CD44: variants seen among roughly 807,000 people sequenced by gnomAD.
The protein encoded by CD44 is CD44 molecule (IN blood group).
Under a neutral mutation model 88.8 loss-of-function variants are expected in CD44, and 49 were observed. The observed-to-expected ratio is 0.55, with a 90% CI of 0.44 to 0.70. CD44 has a LOEUF of 0.70. Ranked by LOEUF, CD44 falls within the 30% of genes least tolerant of loss-of-function variation. CD44 has a pLI of 0.00. For missense variants in CD44, 883 were observed against 913.8 expected, an observed-to-expected ratio of 0.97 and a Z score of 0.43; for synonymous variants, 325 against 312.3, an observed-to-expected ratio of 1.04 and a Z score of -0.43.
rs1565178842 is a variant in CD44 at position 35,231,563 on chromosome 11, G to T, written c.*2230G>T. The T allele has an allele frequency of 6.6e-6, 1 of 152,114 alleles. No individual in the cohort carries two copies. The highest frequency in any genetic ancestry group is 1.9e-4 in the East Asian group (1 of 5,200). 9.4% of individuals were successfully genotyped at this position (152,114 alleles called of 1,614,324 possible). A position where few individuals can be genotyped will look rare whatever the true frequency, so the allele number is the denominator to read the frequency against. On this transcript the variant is annotated 3_prime_UTR_variant, in exon 18 of 18. Coordinates refer to ENST00000428726, the MANE Select transcript of CD44 (RefSeq NM_000610.4). ...TGGATATACCTCTGTTTTCACGATAGAAATAAGGGAGGTCTAGAGCTTCTA... is the reference window on the plus strand; with the variant it reads ...TGGATATACCTCTGTTTTCACGATATAAATAAGGGAGGTCTAGAGCTTCTA...
At chr11:35,222,315 G>T (rs1433014011) in intron 17 of CD44, 8 of 800,696 alleles carry the variant, frequency 1.0e-5, no homozygotes, top group African/African-American at 1.8e-5. Flanking sequence ...TTGGCCTTGT[G>T]CTTTTGTTTG....
chr11:35,144,213 G>T (rs1269945795), intron 1 of CD44, among the ~76,000 whole-genome samples: 1 of 152,222 alleles, frequency 6.6e-6, no homozygotes, highest in African/African-American at 2.4e-5. Context: ...GGCTGGGGCT[G>T]GGGCTGGGGA....
At chr11:35,161,113 G>A (rs353642) in intron 1 of CD44, among the ~76,000 whole-genome samples, 39,113 of 152,068 alleles carry the variant, frequency 0.26, 5,096 homozygotes, top group African/African-American at 0.29. Flanking sequence ...AGAGTAAGAG[G>A]CACTTTACTT....
chr11:35,169,413 A>AAC lies in CD44; in HGVS notation c.68-7134_68-7133dup, dbSNP rs5791036. 8.5e-3 allele frequency among the ~76,000 whole-genome samples: 1,261 copies of AAC among 149,064 alleles called. 14 individuals carry two copies. Among genetic ancestry groups the AAC allele is most frequent in the African/African-American group, 0.019 (750 of 40,498 alleles). On this transcript the variant is annotated intron_variant, in intron 1 of 17. Transcript: ENST00000428726. ...AAAACCAGAGATGTTGCCCTACCTA[A>AAC]ACACACACACACACACACACACACA...
At chr11:35,157,235 C>T (rs1218244615) in intron 1 of CD44, among the ~76,000 whole-genome samples, 1 of 152,128 alleles carries the variant, frequency 6.6e-6, no homozygotes, top group Non-Finnish European at 1.5e-5. Flanking sequence ...GGGATTGTGA[C>T]TTACCATGGT....
intron 7 of CD44, among the ~76,000 whole-genome samples, chr11:35,199,934 G>GTTTTTTTTTTTTTTTTTTTTTTT (rs60509735): frequency 1.1e-5 from 1 of 90,882 alleles, no homozygotes; most frequent in African/African-American, 4.4e-5. Context: ...CCATGGTGTT[G>GTTTTTTTTTTTTTTTTTTTTTTT]TTTTTTTTTT....
At chr11:35,195,641 TTC>T (rs1158386082) in intron 5 of CD44, among the ~76,000 whole-genome samples, 1 of 152,030 alleles carries the variant, frequency 6.6e-6, no homozygotes, top group African/African-American at 2.4e-5. Flanking sequence ...CTTGAACTTG[TTC>T]TCAGTTTTTT....
At chr11:35,206,669 T>TGGGGGGGGGGGGTGGGAGGG (rs57972216) in intron 11 of CD44, among the ~76,000 whole-genome samples, 1 of 146,084 alleles carries the variant, frequency 6.8e-6, no homozygotes, top group Non-Finnish European at 1.5e-5. Flanking sequence ...TGGGGGTTGG[T>TGGGGGGGGGGGGTGGGAGGG]GGGGGGGGCA....
At chr11:35,154,720 A>G (rs895012017) in intron 1 of CD44, among the ~76,000 whole-genome samples, 2 of 152,050 alleles carry the variant, frequency 1.3e-5, no homozygotes, top group African/African-American at 2.4e-5. Flanking sequence ...TTAAGCTACA[A>G]CCCATCTATG....
intron 15 of CD44, among the ~76,000 whole-genome samples, chr11:35,217,282 T>TA (rs1253076211): frequency 2.0e-5 from 3 of 149,232 alleles, no homozygotes; most frequent in South Asian, 2.1e-4. Flanking sequence ...TTTTTTTTTT[T>TA]AAATCAAAAT....
At position 35,204,565 on chromosome 11, in the gene CD44, T is replaced by C; in HGVS notation, c.1207T>C (p.Trp403Arg). 2 of 1,613,374 alleles carry C rather than the reference T, an allele frequency of 1.2e-6. No individual in the cohort carries two copies. The highest frequency in any genetic ancestry group is 1.7e-6 in the Non-Finnish European group (2 of 1,179,430). The change falls in exon 10 of 18, where the codon TGG becomes CGG. Residue 403 changes from tryptophan to arginine, a missense_variant. Physicochemically the swap from Trp to Arg is moderately radical, Grantham distance 101 (BLOSUM62 -3). Coordinates refer to ENST00000428726, the MANE Select transcript of CD44 (RefSeq NM_000610.4). Reference sequence around the variant, plus strand: ...AGAAACAGCTACCCAGAAGGAACAGTGGTTTGGCAACAGATGGCATGAGGG... The same window carrying C: ...AGAAACAGCTACCCAGAAGGAACAGCGGTTTGGCAACAGATGGCATGAGGG... Reference protein sequence around the residue: ...TEETATQKEQWFGNRWHEGYR... With the variant: ...TEETATQKEQRFGNRWHEGYR...
At chr11:35,217,024 C>A (rs1189415963) in intron 15 of CD44, among the ~76,000 whole-genome samples, 1 of 152,244 alleles carries the variant, frequency 6.6e-6, no homozygotes, top group East Asian at 1.9e-4. Context: ...ATATCAAGTG[C>A]TCCTCTTTGT....
At chr11:35,225,099 A>G (rs955329558) in intron 17 of CD44, among the ~76,000 whole-genome samples, 15 of 123,250 alleles carry the variant, frequency 1.2e-4, no homozygotes, top group African/African-American at 3.7e-4. Context: ...ACTAGCCACA[A>G]CTGAGCACTT....
chr11:35,201,303 A>C, intron 8 of CD44, 108 bp downstream of exon 8: 1 of 796,978 alleles, frequency 1.3e-6, no homozygotes, highest in Non-Finnish European at 2.2e-6. Flanking sequence ...ATATCTGATC[A>C]AGAAATTCTT....
At chr11:35,161,705 C>T (rs1206919049) in intron 1 of CD44, among the ~76,000 whole-genome samples, 1 of 152,202 alleles carries the variant, frequency 6.6e-6, no homozygotes, top group Non-Finnish European at 1.5e-5. Context: ...CCAGGTCATT[C>T]AGTTGTTGTA....
chr11:35,148,946 G>A (rs568128355), intron 1 of CD44, among the ~76,000 whole-genome samples: 30 of 151,976 alleles, frequency 2.0e-4, no homozygotes, highest in East Asian at 1.7e-3. Context: ...TCCTCAACCC[G>A]CCTCCTCCCT....
rs762316673 is a variant in CD44 at position 35,206,171 on chromosome 11, A to G, written c.1342A>G (p.Ser448Gly). The G allele has an allele frequency of 1.2e-6, 2 of 1,612,292 alleles. No homozygotes were observed. The highest frequency in any genetic ancestry group is 2.7e-5 in the African/African-American group (2 of 74,766). Residue 448 changes from serine to glycine, a missense_variant, in exon 11 of 18, where the codon AGT (serine) becomes GGT (glycine). Physicochemically the swap from Ser to Gly is moderately conservative, Grantham distance 56 (BLOSUM62 0). Around this residue, in one of 2 missense-constraint regions of CD44, gnomAD observed 631 missense variants for 590.9 expected, o/e 1.07. Transcript: ENST00000428726. ...QGRTTPSPED[S>G]SWTDFFNPIS... ...AAGGACAACACCAAGCCCAGAGGAC[A>G]GTTCCTGGACTGATTTCTTCAACCC...
intron 16 of CD44, among the ~76,000 whole-genome samples, chr11:35,220,139 G>T (rs1949168954): frequency 6.6e-6 from 1 of 152,192 alleles, no homozygotes; most frequent in African/African-American, 2.4e-5. Flanking sequence ...GAAGAATGTG[G>T]CATGCACCGT....
Position 35,210,076 on chromosome 11 carries a change from T to G in CD44, c.1606+22T>G, listed in dbSNP as rs760759248. 2.2e-6 allele frequency: 3 copies of G among 1,391,970 alleles called. No homozygotes were observed. In the African/African-American group the frequency reaches 4.5e-5, roughly 21 times the overall value. 86.2% of individuals were successfully genotyped at this position (1,391,970 alleles called of 1,614,324 possible). On this transcript the variant is annotated intron_variant, in intron 13 of 17. Coordinates refer to ENST00000428726, the MANE Select transcript of CD44 (RefSeq NM_000610.4). ...AGCAGTAAGGATTATAAAACCTAGT[T>G]GGCTTCAGCTATTGATAAGAATCAA...
Sources: gnomAD v4.1 joint callset for allele counts (sites outside exome capture counted in the v4.1 genomes callset) on GRCh38, gnomAD v4.1.1 for gene constraint, gnomAD v4.1.1 regional missense constraint, MANE v1.5 for transcripts, NCBI Gene and HGNC (gene_info 2026-07-23, HGNC 2026-07-21) for gene names.